GALNT13: variants seen among roughly 807,000 people sequenced by gnomAD.
The protein encoded by GALNT13 is UDP-GalNAc:polypeptide N-acetylgalactosaminyltransferase 13.
GALNT13 carries 28 observed loss-of-function variants against 64.2 expected under a neutral mutation model. The ratio of observed to expected loss-of-function variants is 0.44; its 90% CI spans 0.32 to 0.60. The LOEUF is 0.60. Ranked by LOEUF, GALNT13 falls within the 20% of genes least tolerant of loss-of-function variation. GALNT13 has a pLI of 0.05. For synonymous variants in GALNT13, 214 were observed against 224.6 expected (o/e 0.95, Z 0.42); for missense variants, 577 against 669.8 (o/e 0.86, Z 1.53).
the GALNT13 span, among the ~76,000 whole-genome samples, chr2:153,179,438 T>G: frequency 5.3e-5 from 8 of 152,216 alleles, no homozygotes; most frequent in African/African-American, 1.4e-4. Flanking sequence ...AGTACCATGC[T>G]ATTTAAATTA....
chr2:153,762,864 G>T, the GALNT13 span, among the ~76,000 whole-genome samples: 52,941 of 150,386 alleles, frequency 0.35, 9,797 homozygotes, highest in African/African-American at 0.42. Context: ...CTTAATGGTT[G>T]TCTGTAGTGA....
chr2:153,845,212 A>G, the GALNT13 span, among the ~76,000 whole-genome samples: 1 of 152,208 alleles, frequency 6.6e-6, no homozygotes, highest in Non-Finnish European at 1.5e-5. Flanking sequence ...AAAGAAATAC[A>G]TAAAGAAATA....
At chr2:154,204,245 A>T (rs576395635) in intron 4 of GALNT13, among the ~76,000 whole-genome samples, 3 of 152,210 alleles carry the variant, frequency 2.0e-5, no homozygotes, top group African/African-American at 7.2e-5. Context: ...CTCTCTCAAT[A>T]TATTACCCTA....
chr2:154,392,146 G>A (rs760706095), intron 9 of GALNT13, among the ~76,000 whole-genome samples: 2 of 152,144 alleles, frequency 1.3e-5, no homozygotes, highest in Non-Finnish European at 2.9e-5. Context: ...TGAAACACAG[G>A]GGTTCTGTCT....
chr2:153,670,406 CAG>C, the GALNT13 span, among the ~76,000 whole-genome samples: 4 of 152,164 alleles, frequency 2.6e-5, no homozygotes, highest in African/African-American at 9.7e-5. Flanking sequence ...CCCAGGCAAA[CAG>C]GGTATGGAGT....
chr2:153,651,854 A>G, the GALNT13 span, among the ~76,000 whole-genome samples: 1 of 152,164 alleles, frequency 6.6e-6, no homozygotes, highest in Non-Finnish European at 1.5e-5. Context: ...TCAAGCAAGA[A>G]GATGTGGTAT....
chr2:154,084,678 A>C (rs2105423215), intron 3 of GALNT13, among the ~76,000 whole-genome samples: 1 of 152,098 alleles, frequency 6.6e-6, no homozygotes, highest in South Asian at 2.1e-4. Flanking sequence ...GAAGCGTGTT[A>C]GTGCCCAGGT....
At chr2:153,780,504 T>C in the GALNT13 span, among the ~76,000 whole-genome samples, 1 of 152,018 alleles carries the variant, frequency 6.6e-6, no homozygotes, top group African/African-American at 2.4e-5. Flanking sequence ...ATCATATTTC[T>C]GGTTCTAAGG....
intron 3 of GALNT13, among the ~76,000 whole-genome samples, chr2:153,996,263 A>G (rs1263740185): frequency 1.3e-5 from 2 of 152,160 alleles, no homozygotes; most frequent in African/African-American, 2.4e-5. Context: ...CTATTTTTCT[A>G]TAATGGATGT....
the GALNT13 span, among the ~76,000 whole-genome samples, chr2:153,676,578 A>G: frequency 5.7e-3 from 873 of 152,266 alleles, 11 homozygotes; most frequent in African/African-American, 0.02. Context: ...TGTCAGGCCA[A>G]TATTGCTGAT....
chr2:154,392,174 G>A (rs960905417), intron 9 of GALNT13, among the ~76,000 whole-genome samples: 1 of 152,196 alleles, frequency 6.6e-6, no homozygotes, highest in African/African-American at 2.4e-5. Context: ...GCTGCTTGCT[G>A]CACTGGAAGT....
chr2:154,029,300 A>C (rs890975769), intron 3 of GALNT13, among the ~76,000 whole-genome samples: 1 of 151,934 alleles, frequency 6.6e-6, no homozygotes, highest in Non-Finnish European at 1.5e-5. Context: ...CATCACCTGG[A>C]TCCTTCTCCC....
the GALNT13 span, among the ~76,000 whole-genome samples, chr2:153,116,612 C>G: frequency 6.6e-6 from 1 of 151,996 alleles, no homozygotes; most frequent in Admixed American, 6.6e-5. Flanking sequence ...AAAATCAAAT[C>G]TAGCTTTAAG....
the GALNT13 span, among the ~76,000 whole-genome samples, chr2:153,529,005 C>G: frequency 6.6e-6 from 1 of 151,512 alleles, no homozygotes; most frequent in African/African-American, 2.4e-5. Flanking sequence ...AGAAATGCAT[C>G]CTCAACAACT....
At chr2:153,663,698 T>C in the GALNT13 span, among the ~76,000 whole-genome samples, 2 of 152,180 alleles carry the variant, frequency 1.3e-5, no homozygotes. Flanking sequence ...TAGCTGACAT[T>C]AGAGTTCTCC....
At chr2:154,049,818 T>C (rs1449709084) in intron 3 of GALNT13, among the ~76,000 whole-genome samples, 1 of 152,044 alleles carries the variant, frequency 6.6e-6, no homozygotes, top group East Asian at 1.9e-4. Context: ...CTTTTTCTTT[T>C]GTTGACAATT....
At chr2:153,721,214 C>T in the GALNT13 span, among the ~76,000 whole-genome samples, 97 of 148,900 alleles carry the variant, frequency 6.5e-4, 1 homozygote, top group East Asian at 0.019. Context: ...CCAAACTAAG[C>T]TTCATAAGTG....
At chr2:153,325,525 T>C in the GALNT13 span, among the ~76,000 whole-genome samples, 9 of 152,218 alleles carry the variant, frequency 5.9e-5, no homozygotes, top group African/African-American at 1.9e-4. Context: ...TAGCTATTTC[T>C]TGATTTCTGC....
chr2:153,266,306 C>T, the GALNT13 span, among the ~76,000 whole-genome samples: 1 of 152,160 alleles, frequency 6.6e-6, no homozygotes, highest in East Asian at 1.9e-4. Context: ...TATTTGACAA[C>T]GTTAGAGAAA....
Sources: gnomAD v4.1 joint callset for allele counts (sites outside exome capture counted in the v4.1 genomes callset) on GRCh38, gnomAD v4.1.1 for gene constraint, MANE v1.5 for transcripts, NCBI Gene and HGNC (gene_info 2026-07-23, HGNC 2026-07-21) for gene names.